Variants in HPS4 observed in about 807,000 individuals in gnomAD.
HPS4 encodes BLOC-3 complex member HPS4.
A neutral mutation model predicts 70.3 loss-of-function variants in HPS4; 44 were observed. The ratio of observed to expected loss-of-function variants is 0.63; its 90% CI spans 0.49 to 0.80. HPS4 has a LOEUF of 0.80. Among genes scored for constraint, HPS4 ranks in the 30% least tolerant of loss-of-function variants. The pLI is 0.00. For missense variants in HPS4, 873 were observed against 884.4 expected, an observed-to-expected ratio of 0.99 and a Z score of 0.16; for synonymous variants, 377 against 355.9, an observed-to-expected ratio of 1.06 and a Z score of -0.67.
intron 13 of HPS4, among the ~76,000 whole-genome samples, chr22:26,455,017 C>T (rs2085846368): frequency 6.6e-6 from 1 of 152,168 alleles, no homozygotes; most frequent in African/African-American, 2.4e-5. Context: ...CAATGCAAAT[C>T]AAAACCACAA....
At chr22:26,479,216 T>C in intron 3 of HPS4, 49 bp downstream of exon 3, 3 of 1,596,316 alleles carry the variant, frequency 1.9e-6, no homozygotes, top group Non-Finnish European at 8.6e-7. Flanking sequence ...AAGTCACCAC[T>C]TGGAGGCACT....
intron 10 of HPS4, among the ~76,000 whole-genome samples, chr22:26,465,089 T>C (rs1452603535): frequency 6.6e-6 from 1 of 152,246 alleles, no homozygotes; most frequent in African/African-American, 2.4e-5. Flanking sequence ...GAAGGTCTCC[T>C]ACGCATCAGG....
At chr22:26,447,542 C>T (rs755623592), downstream of HPS4, among the ~76,000 whole-genome samples, 4 of 151,976 alleles carry the variant, frequency 2.6e-5, no homozygotes, top group Non-Finnish European at 4.4e-5. Flanking sequence ...GAGAGGTGCT[C>T]CATACACATT....
At chr22:26,446,503 CT>C (rs1001008363), downstream of HPS4, among the ~76,000 whole-genome samples, 1 of 152,170 alleles carries the variant, frequency 6.6e-6, no homozygotes, top group African/African-American at 2.4e-5. Flanking sequence ...CCCAAAGCAT[CT>C]TTTTTCATTG....
chr22:26,444,547 C>A (rs1878506928), exon 4 of HPS4: 1 of 152,226 alleles, frequency 6.6e-6, no homozygotes, highest in African/African-American at 2.4e-5. Context: ...AGCCGGCCAG[C>A]CACACTAGAG....
At chr22:26,470,277 G>T (rs963974300) in intron 7 of HPS4, among the ~76,000 whole-genome samples, 1 of 152,234 alleles carries the variant, frequency 6.6e-6, no homozygotes, top group African/African-American at 2.4e-5. Context: ...GAGGCTTGAA[G>T]GCAGCTGGAT....
intron 11 of HPS4, among the ~76,000 whole-genome samples, chr22:26,461,190 T>C (rs989073273): frequency 1.3e-5 from 2 of 152,232 alleles, no homozygotes; most frequent in Non-Finnish European, 2.9e-5. Context: ...CACATTCACT[T>C]AGAGATACCG....
At chr22:26,480,042 G>T (rs1229773708) in intron 2 of HPS4, among the ~76,000 whole-genome samples, 1 of 152,198 alleles carries the variant, frequency 6.6e-6, no homozygotes, top group East Asian at 1.9e-4. Context: ...TCTTTGTTCT[G>T]AATTTCCATG....
At chr22:26,462,431 T>A (rs991792908) in intron 11 of HPS4, among the ~76,000 whole-genome samples, 1 of 152,250 alleles carries the variant, frequency 6.6e-6, no homozygotes, top group South Asian at 2.1e-4. Context: ...GACCTGCCAC[T>A]TGCAGGAAGT....
At chr22:26,469,170 G>A (rs773175162) in intron 7 of HPS4, among the ~76,000 whole-genome samples, 2 of 151,696 alleles carry the variant, frequency 1.3e-5, no homozygotes, top group Non-Finnish European at 2.9e-5. Flanking sequence ...GGAGAGGCTG[G>A]GCACAGTGGC....
chr22:26,464,943 G>A, intron 10 of HPS4, 117 bp from the exon 11 acceptor site: 2 of 891,960 alleles, frequency 2.2e-6, no homozygotes, highest in Non-Finnish European at 3.4e-6. Context: ...TGAGGCCACA[G>A]AGCCTAAGAG....
intron 11 of HPS4, among the ~76,000 whole-genome samples, chr22:26,462,664 G>A (rs1189685269): frequency 6.6e-6 from 1 of 152,190 alleles, no homozygotes; most frequent in Non-Finnish European, 1.5e-5. Context: ...CAAACACTGG[G>A]CCCTTCAAAA....
intron 2 of HPS4, chr22:26,479,599 A>C: frequency 7.4e-7 from 1 of 1,347,142 alleles, no homozygotes; most frequent in Non-Finnish European, 9.5e-7. Flanking sequence ...AGAAGACACG[A>C]GTAGCTAGAA....
At position 26,464,697 on chromosome 22, in the gene HPS4, G is replaced by A. The variant is rs1276310537; in HGVS notation, c.933C>T (p.Pro311=). The change falls in exon 11 of 14, where the codon CCC becomes CCT. Residue 311 remains proline (P), a synonymous_variant. Transcript: ENST00000398145. ...CTGGACAAGCTTCGTCAGGGGATGT[G>A]GGATCTGGGGTGGTCCAGGCCATGG... ...VESMAWTTPD[P]TSPDEACPDG... The A allele has an allele frequency of 1.2e-6, 2 of 1,607,924 alleles. No individual in the cohort carries two copies. The highest frequency in any genetic ancestry group is 1.7e-6 in the Non-Finnish European group (2 of 1,175,688).
chr22:26,461,210 T>C (rs1161218987), intron 11 of HPS4, among the ~76,000 whole-genome samples: 1 of 152,234 alleles, frequency 6.6e-6, no homozygotes, highest in East Asian at 1.9e-4. Flanking sequence ...GGTTTCCCAG[T>C]TGGGGGAAGG....
chr22:26,472,719 G>T, intron 5 of HPS4, 113 bp downstream of exon 5: 1 of 894,098 alleles, frequency 1.1e-6, no homozygotes, highest in Non-Finnish European at 1.9e-6. Context: ...CTTGTCCCCA[G>T]ACACAATGTG....
chr22:26,448,680 T>A (rs1184303805), downstream of HPS4, among the ~76,000 whole-genome samples: 2 of 152,152 alleles, frequency 1.3e-5, no homozygotes, highest in African/African-American at 4.8e-5. Flanking sequence ...TCCAAAGCAC[T>A]CTCTGGGTTT....
At position 26,468,595 on chromosome 22, in the gene HPS4, G is replaced by C. The variant is rs757926741; in HGVS notation, c.625C>G (p.Leu209Val). 2 of 1,614,170 alleles carry C rather than the reference G, an allele frequency of 1.2e-6. No homozygotes were observed. The highest frequency in any genetic ancestry group is 4.5e-5 in the East Asian group (2 of 44,888). The change falls in exon 8 of 14, where the codon CTC (leucine) becomes GTC (valine). Residue 209 changes from leucine (L) to valine (V), a missense_variant. Leu to Val is a conservative substitution (Grantham distance 32). Coordinates refer to ENST00000398145, the MANE Select transcript of HPS4 (RefSeq NM_022081.6). ...CGGTGAAGCAGGACCTTGGCGGTGA[G>C]GGAGGGCGGGAGTTGGGTGCTGACA... ...LIVSTQLPPS[L>V]TAKVLLHRTA...
chr22:26,444,916 G>A (rs2084902740), intron 3 of HPS4: 1 of 152,176 alleles, frequency 6.6e-6, no homozygotes, highest in African/African-American at 2.4e-5. Flanking sequence ...TCTGCTCTGC[G>A]TTTACAAAAC....
Sources: allele counts gnomAD v4.1 joint callset (sites outside exome capture counted in the v4.1 genomes callset), GRCh38; gene constraint gnomAD v4.1.1; transcripts MANE v1.5; gene names NCBI Gene and HGNC (gene_info 2026-07-23, HGNC 2026-07-21).